RBMS3: variants seen among roughly 807,000 people sequenced by gnomAD.
The protein encoded by RBMS3 is RNA-binding motif, single-stranded-interacting protein 3.
RBMS3 carries 27 observed loss-of-function variants against 66.8 expected under a neutral mutation model. The observed-to-expected ratio is 0.40, with a 90% CI of 0.30 to 0.56. RBMS3 has a LOEUF of 0.56. Ranked by LOEUF, RBMS3 falls within the 20% of genes least tolerant of loss-of-function variation. The pLI is 0.40. For synonymous variants in RBMS3, 188 were observed against 183.0 expected (o/e 1.03, Z -0.22); for missense variants, 513 against 549.5 (o/e 0.93, Z 0.66).
At chr3:30,003,594 C>G (rs1699707766) in intron 14 of RBMS3, among the ~76,000 whole-genome samples, 1 of 151,884 alleles carries the variant, frequency 6.6e-6, no homozygotes, top group South Asian at 2.1e-4. Flanking sequence ...CAGAATTACT[C>G]AAAGGATCTG....
intron 1 of RBMS3, among the ~76,000 whole-genome samples, chr3:29,383,761 A>T (rs2038876709): frequency 6.6e-6 from 1 of 152,140 alleles, no homozygotes; most frequent in Non-Finnish European, 1.5e-5. Context: ...CCAGGTTCAA[A>T]TTTTTGCTCT....
intron 7 of RBMS3, among the ~76,000 whole-genome samples, chr3:29,875,173 G>T (rs954602560): frequency 1.3e-5 from 2 of 152,132 alleles, no homozygotes; most frequent in Non-Finnish European, 2.9e-5. Context: ...GGAGTTGTTG[G>T]TAGTGTCCTG....
At chr3:29,790,455 G>A (rs886589426) in intron 6 of RBMS3, among the ~76,000 whole-genome samples, 1 of 152,064 alleles carries the variant, frequency 6.6e-6, no homozygotes, top group Non-Finnish European at 1.5e-5. Context: ...TTTTCAAAGA[G>A]CATGATTCAT....
At chr3:29,565,778 C>A (rs2046721011) in intron 3 of RBMS3, among the ~76,000 whole-genome samples, 1 of 152,058 alleles carries the variant, frequency 6.6e-6, no homozygotes, top group South Asian at 2.1e-4. Flanking sequence ...AAATTGTTTT[C>A]TTTTTAGTTT....
chr3:29,286,555 G>GA (rs929015039), intron 1 of RBMS3, among the ~76,000 whole-genome samples: 13 of 151,284 alleles, frequency 8.6e-5, no homozygotes, highest in South Asian at 2.1e-4. Flanking sequence ...TTTCAATTTG[G>GA]AAAAAAAATA....
At chr3:29,659,538 C>T (rs2050453261) in intron 4 of RBMS3, among the ~76,000 whole-genome samples, 3 of 152,138 alleles carry the variant, frequency 2.0e-5, no homozygotes, top group African/African-American at 7.2e-5. Flanking sequence ...AAAGATCATG[C>T]ATGTTGTAGC....
chr3:29,931,928 A>G (rs2061138753), intron 10 of RBMS3, among the ~76,000 whole-genome samples: 1 of 152,226 alleles, frequency 6.6e-6, no homozygotes, highest in African/African-American at 2.4e-5. Context: ...GTGAATAACT[A>G]TAGGCAATCG....
At chr3:29,890,805 G>T (rs1273125748) in intron 8 of RBMS3, among the ~76,000 whole-genome samples, 2 of 151,460 alleles carry the variant, frequency 1.3e-5, no homozygotes, top group Non-Finnish European at 3.0e-5. Context: ...CTCTGGGAAG[G>T]GCCAACACAG....
intron 3 of RBMS3, among the ~76,000 whole-genome samples, chr3:29,569,976 A>AGTTGCGTGT (rs56139511): frequency 1.1e-4 from 16 of 151,730 alleles, no homozygotes; most frequent in African/African-American, 3.6e-4. Context: ...CAAGAAAAGC[A>AGTTGCGTGT]GTTGCTTAGG....
intron 6 of RBMS3, among the ~76,000 whole-genome samples, chr3:29,864,302 G>A (rs1335453535): frequency 1.3e-5 from 2 of 152,116 alleles, no homozygotes; most frequent in Non-Finnish European, 2.9e-5. Context: ...TTCATCATAG[G>A]CAATTGGAGG....
chr3:29,517,043 C>T (rs1410014338), intron 3 of RBMS3, among the ~76,000 whole-genome samples: 2 of 151,774 alleles, frequency 1.3e-5, no homozygotes, highest in African/African-American at 4.8e-5. Flanking sequence ...TGAAACCGAT[C>T]TCTACTAAAA....
intron 4 of RBMS3, among the ~76,000 whole-genome samples, chr3:29,617,406 G>A (rs2048708269): frequency 6.6e-6 from 1 of 152,192 alleles, no homozygotes; most frequent in South Asian, 2.1e-4. Context: ...CTAAAAAACT[G>A]TCAAAACTAA....
At chr3:29,921,050 C>A (rs1400867358) in intron 10 of RBMS3, among the ~76,000 whole-genome samples, 1 of 151,902 alleles carries the variant, frequency 6.6e-6, no homozygotes, top group Non-Finnish European at 1.5e-5. Context: ...TATAATTTGA[C>A]TTTTTGTTTT....
intron 4 of RBMS3, among the ~76,000 whole-genome samples, chr3:29,723,961 G>C (rs372934273): frequency 6.6e-6 from 1 of 151,546 alleles, no homozygotes; most frequent in South Asian, 2.1e-4. Flanking sequence ...CTTCTTCGGT[G>C]TAATAGCTTT....
chr3:29,933,258 C>T (rs1392747729), intron 10 of RBMS3, among the ~76,000 whole-genome samples: 7 of 152,156 alleles, frequency 4.6e-5, no homozygotes, highest in Admixed American at 1.3e-4. Flanking sequence ...GTCAAAGTTA[C>T]GGTTGTGGAT....
intron 3 of RBMS3, among the ~76,000 whole-genome samples, chr3:29,533,832 C>G (rs1440940803): frequency 6.6e-6 from 1 of 152,186 alleles, no homozygotes; most frequent in Non-Finnish European, 1.5e-5. Context: ...TCATTTCTTA[C>G]TATAAAGTTT....
chr3:29,756,579 C>A (rs553293453), intron 5 of RBMS3, among the ~76,000 whole-genome samples: 37 of 151,992 alleles, frequency 2.4e-4, no homozygotes, highest in Admixed American at 1.6e-3. Flanking sequence ...AAAAACCCAC[C>A]CCCATGATTC....
At chr3:29,494,300 G>A (rs180985841) in intron 3 of RBMS3, among the ~76,000 whole-genome samples, 132 of 152,360 alleles carry the variant, frequency 8.7e-4, no homozygotes, top group African/African-American at 3.0e-3. Flanking sequence ...GTTAGGGACA[G>A]TAGTCAGGCC....
chr3:29,452,217 A>G (rs1318364787), intron 2 of RBMS3, among the ~76,000 whole-genome samples: 1 of 152,172 alleles, frequency 6.6e-6, no homozygotes, highest in Non-Finnish European at 1.5e-5. Context: ...GTTGATTCTC[A>G]GCTTATTTAA....
Sources: allele counts gnomAD v4.1 joint callset (sites outside exome capture counted in the v4.1 genomes callset), GRCh38; gene constraint gnomAD v4.1.1; transcripts MANE v1.5; gene names NCBI Gene and HGNC (gene_info 2026-07-23, HGNC 2026-07-21).